Variants in NRXN1 observed in about 807,000 individuals in gnomAD.
The protein encoded by NRXN1 is neurexin 1.
NRXN1 carries 39 observed loss-of-function variants against 150.9 expected under a neutral mutation model. The observed-to-expected ratio is 0.26, with a 90% CI of 0.20 to 0.34. The LOEUF is 0.34. Among genes scored for constraint, NRXN1 ranks in the 10% least tolerant of loss-of-function variants. NRXN1 has a pLI of 1.00. For synonymous variants in NRXN1, 924 were observed against 757.0 expected (o/e 1.22, Z -3.62); for missense variants, 1,815 against 1,949.9 (o/e 0.93, Z 1.30).
In NRXN1 at chr2:50,935,143, G is replaced by A. The variant is rs186077385; in HGVS notation, c.773-9188C>T. Reference sequence around the variant, plus strand: ...TAGTTTTAAAATTAATTTAAAAAGCGCCTTTCATCCTACTATCTTATATAA... The same window carrying A: ...TAGTTTTAAAATTAATTTAAAAAGCACCTTTCATCCTACTATCTTATATAA... On this transcript the variant is annotated intron_variant, in intron 2 of 22. Transcript: ENST00000401669. 1.4e-3 allele frequency among the ~76,000 whole-genome samples: 208 copies of A among 152,200 alleles called. 1 individual carries two copies. The highest frequency in any genetic ancestry group is 4.9e-3 in the African/African-American group (202 of 41,526).
intron 8 of NRXN1, among the ~76,000 whole-genome samples, chr2:50,575,165 G>A (rs556855191): frequency 6.6e-6 from 1 of 152,302 alleles, no homozygotes; most frequent in African/African-American, 2.4e-5. Context: ...TTGAGATTCT[G>A]TTATGCTTGA....
At chr2:50,154,468 A>T (rs1309097408) in intron 18 of NRXN1, among the ~76,000 whole-genome samples, 5 of 151,768 alleles carry the variant, frequency 3.3e-5, no homozygotes, top group Non-Finnish European at 7.4e-5. Flanking sequence ...ATACAATGAG[A>T]TAAATAGAAA....
At chr2:50,011,152 T>C (rs1251094310) in intron 21 of NRXN1, among the ~76,000 whole-genome samples, 1 of 152,168 alleles carries the variant, frequency 6.6e-6, no homozygotes, top group Non-Finnish European at 1.5e-5. Flanking sequence ...TGAGACCTGA[T>C]ATAGTTCTTG....
chr2:50,346,680 C>T lies in NRXN1; in HGVS notation c.3365-109710G>A. On this transcript the variant is annotated intron_variant, in intron 17 of 22. Transcript: ENST00000401669. This position sits in a 1 kb window ranked among gnomAD's most constrained non-coding sequence, Gnocchi z 5.0. The stretch of plus-strand genomic sequence containing the variant: ...GGGATAACCCGCGAGAACTTGGCAT[C>T]GCAGACCCACCGTGTCCGCCTCGCA... 6 of 1,612,476 alleles carry T rather than the reference C, an allele frequency of 3.7e-6. No homozygotes were observed. Among genetic ancestry groups the T allele is most frequent in the Non-Finnish European group, 5.1e-6 (6 of 1,178,988 alleles).
intron 8 of NRXN1, among the ~76,000 whole-genome samples, chr2:50,609,662 T>C (rs1340468830): frequency 6.6e-6 from 1 of 152,108 alleles, no homozygotes; most frequent in Admixed American, 6.6e-5. Flanking sequence ...AAGCCATTCA[T>C]CTTAACTAAT....
intron 21 of NRXN1, among the ~76,000 whole-genome samples, chr2:50,048,340 T>C (rs2152612990): frequency 6.6e-6 from 1 of 152,272 alleles, no homozygotes; most frequent in South Asian, 2.1e-4. Flanking sequence ...TAATTATTCA[T>C]GTCACCAGTA....
intron 9 of NRXN1, among the ~76,000 whole-genome samples, chr2:50,546,027 A>G (rs922294677): frequency 3.3e-5 from 5 of 152,132 alleles, no homozygotes; most frequent in Non-Finnish European, 7.4e-5. Context: ...TTTTCAATCC[A>G]TAGTTGATTG....
chr2:50,654,570 G>T (rs1462243946), intron 5 of NRXN1, among the ~76,000 whole-genome samples: 1 of 151,976 alleles, frequency 6.6e-6, no homozygotes, highest in East Asian at 1.9e-4. Flanking sequence ...GGGTCAAATG[G>T]TATTTCTAGT....
At chr2:50,309,662 G>A (rs2074994539) in intron 17 of NRXN1, among the ~76,000 whole-genome samples, 1 of 152,060 alleles carries the variant, frequency 6.6e-6, no homozygotes, top group African/African-American at 2.4e-5. Context: ...AGGAAGAGAG[G>A]CGACATGCTT....
At chr2:50,335,117 G>T (rs1024312434) in intron 17 of NRXN1, among the ~76,000 whole-genome samples, 2 of 152,128 alleles carry the variant, frequency 1.3e-5, no homozygotes, top group African/African-American at 4.8e-5. Context: ...GTCCCCAAAA[G>T]AACCTCTTTA....
At chr2:50,886,005 G>T (rs1441854898) in intron 5 of NRXN1, among the ~76,000 whole-genome samples, 1 of 151,338 alleles carries the variant, frequency 6.6e-6, no homozygotes, top group Non-Finnish European at 1.5e-5. Flanking sequence ...AAAGAACTCT[G>T]TAATTTGGTT....
At chr2:50,757,279 G>A (rs1468025681) in intron 5 of NRXN1, among the ~76,000 whole-genome samples, 1 of 151,682 alleles carries the variant, frequency 6.6e-6, no homozygotes, top group Non-Finnish European at 1.5e-5. Context: ...TACGCAGACC[G>A]CCACACAGAG....
intron 18 of NRXN1, among the ~76,000 whole-genome samples, chr2:50,134,418 C>T (rs535902785): frequency 6.6e-6 from 1 of 152,066 alleles, no homozygotes; most frequent in Non-Finnish European, 1.5e-5. Context: ...AATAAAATTT[C>T]CTTGTACAGT....
In NRXN1 at chr2:50,553,020, T is replaced by G. The variant is rs201485014; in HGVS notation, c.1326A>C (p.Val442=). The change falls in exon 9 of 23, where the codon GTA becomes GTC. Residue 442 remains valine, a synonymous_variant. Transcript: ENST00000401669. ...CCAGCCTCACATCATTATTTTTATATACAACCTGTGGGCAGAGGATAGCAG... is the reference window on the plus strand; with the variant it reads ...CCAGCCTCACATCATTATTTTTATAGACAACCTGTGGGCAGAGGATAGCAG... ...NNFMGCLKEV[V]YKNNDVRLEL... The G allele has an allele frequency of 5.2e-5, 84 of 1,605,646 alleles. No homozygotes were observed. In the Admixed American group the frequency reaches 1.4e-3, roughly 27 times the overall value.
intron 5 of NRXN1, among the ~76,000 whole-genome samples, chr2:50,814,696 T>C (rs1668681701): frequency 6.6e-6 from 1 of 152,078 alleles, no homozygotes. Flanking sequence ...CACTTAAAAA[T>C]GTAAAATAAT....
intron 12 of NRXN1, chr2:50,526,818 C>T (rs1255312689): frequency 4.6e-5 from 7 of 152,146 alleles, no homozygotes; most frequent in Non-Finnish European, 8.8e-5. Context: ...GTATCACATA[C>T]TCATTAAAAA....
At chr2:50,804,033 T>A (rs1023425559) in intron 5 of NRXN1, among the ~76,000 whole-genome samples, 10 of 152,184 alleles carry the variant, frequency 6.6e-5, no homozygotes, top group African/African-American at 2.2e-4. Context: ...GCCCTTGCAA[T>A]ATCCACAGTA....
At chr2:50,335,180 C>A (rs1200562898) in intron 17 of NRXN1, among the ~76,000 whole-genome samples, 1 of 152,134 alleles carries the variant, frequency 6.6e-6, no homozygotes, top group Non-Finnish European at 1.5e-5. Flanking sequence ...TTAAAACACT[C>A]ATTTATTTTA....
intron 17 of NRXN1, among the ~76,000 whole-genome samples, chr2:50,405,666 T>C (rs529784111): frequency 2.0e-5 from 3 of 152,208 alleles, no homozygotes; most frequent in East Asian, 3.9e-4. Flanking sequence ...TACCTCAACA[T>C]GGTACAGTGG....
Sources: gnomAD v4.1 joint callset for allele counts (sites outside exome capture counted in the v4.1 genomes callset) on GRCh38, gnomAD v4.1.1 for gene constraint, Gnocchi (gnomAD v3.1) non-coding constraint, MANE v1.5 for transcripts, NCBI Gene and HGNC (gene_info 2026-07-23, HGNC 2026-07-21) for gene names.